GATAD2A: variants seen among roughly 807,000 people sequenced by gnomAD.
GATAD2A encodes GATA zinc finger domain containing 2A.
A neutral mutation model predicts 68.5 loss-of-function variants in GATAD2A; 12 were observed. The ratio of observed to expected loss-of-function variants is 0.18; its 90% confidence interval spans 0.11 to 0.28. GATAD2A has a LOEUF of 0.28. Among genes scored for constraint, GATAD2A ranks in the 10% least tolerant of loss-of-function variants. The pLI is 1.00. For missense variants in GATAD2A, 755 were observed against 868.5 expected, an observed-to-expected ratio of 0.87 and a Z score of 1.64; for synonymous variants, 410 against 375.3, an observed-to-expected ratio of 1.09 and a Z score of -1.07.
chr19:19,492,526 C>T, intron 3 of GATAD2A, 55 bp from the exon 4 acceptor site: 5 of 1,611,482 alleles, frequency 3.1e-6, no homozygotes, highest in Middle Eastern at 1.7e-4. Context: ...ATGGCAGGGC[C>T]TCTGCTCCTC....
chr19:19,429,144 G>T (rs1343819872), intron 1 of GATAD2A: 2 of 974,152 alleles, frequency 2.1e-6, no homozygotes, highest in South Asian at 4.8e-5. Context: ...GAGGTGATGC[G>T]CAAGCGCCTT....
At position 19,508,801 on chromosome 19, in the gene GATAD2A, T is replaced by C. The variant is rs919736265; in HGVS notation, c.*3327T>C. ...TCTAAATCTTTGATAGTAAAACAAA[T>C]GTAAAAAGAAATGTTTGCCACCAGA... On this transcript the variant is annotated 3_prime_UTR_variant, in exon 12 of 12. Coordinates refer to ENST00000683918, the MANE Select transcript of GATAD2A (RefSeq NM_001384528.1). 2.6e-5 allele frequency: 4 copies of C among 152,178 alleles called. No individual in the cohort carries two copies. The highest frequency in any genetic ancestry group is 2.6e-4 in the Admixed American group (4 of 15,264). The allele number at this position is 152,178 out of a possible 1,614,324, so 9.4% of individuals were successfully genotyped here.
At chr19:19,423,883 C>T (rs778117855) in intron 1 of GATAD2A, among the ~76,000 whole-genome samples, 7 of 152,114 alleles carry the variant, frequency 4.6e-5, no homozygotes, top group Admixed American at 3.3e-4. Context: ...ACTCTGGATT[C>T]GGATCTAGGT....
upstream of GATAD2A, among the ~76,000 whole-genome samples, chr19:19,400,967 C>G (rs747563304): frequency 4.6e-5 from 7 of 151,704 alleles, no homozygotes; most frequent in Non-Finnish European, 8.8e-5. Context: ...ATGGCGAAAC[C>G]CTGTCTCTAC....
At chr19:19,447,255 A>G (rs753763000) in intron 1 of GATAD2A, among the ~76,000 whole-genome samples, 14 of 152,106 alleles carry the variant, frequency 9.2e-5, no homozygotes, top group Non-Finnish European at 1.9e-4. Flanking sequence ...CTGAGGTGGG[A>G]GTGAGCCAGG....
At chr19:19,420,184 T>G (rs1334156068) in intron 1 of GATAD2A, among the ~76,000 whole-genome samples, 9 of 144,140 alleles carry the variant, frequency 6.2e-5, no homozygotes, top group South Asian at 4.5e-4. Context: ...CTAGTTTTTT[T>G]TTTTTTTTTT....
At chr19:19,455,381 T>G (rs2056831033) in intron 1 of GATAD2A, among the ~76,000 whole-genome samples, 1 of 151,986 alleles carries the variant, frequency 6.6e-6, no homozygotes, top group Non-Finnish European at 1.5e-5. Flanking sequence ...TCCCACTTAC[T>G]CGGGAGGCCG....
chr19:19,451,616 A>C (rs1282851060), intron 1 of GATAD2A, among the ~76,000 whole-genome samples: 1 of 152,142 alleles, frequency 6.6e-6, no homozygotes, highest in Non-Finnish European at 1.5e-5. Context: ...GGGCTGAGGA[A>C]GTAGTGTGGG....
intron 1 of GATAD2A, among the ~76,000 whole-genome samples, chr19:19,392,681 C>T (rs755843445): frequency 1.0e-4 from 15 of 147,866 alleles, no homozygotes; most frequent in African/African-American, 1.3e-4. Context: ...TGAGCCACTG[C>T]GTCCGGTCAA....
intron 1 of GATAD2A, among the ~76,000 whole-genome samples, chr19:19,448,486 G>T (rs577145592): frequency 8.4e-4 from 128 of 152,074 alleles, no homozygotes; most frequent in Non-Finnish European, 1.5e-3. Context: ...TGGTAGTTGT[G>T]TTGTGTTGTG....
intron 1 of GATAD2A, among the ~76,000 whole-genome samples, chr19:19,441,030 C>CCTTCCTTCT (rs2055006144): frequency 7.1e-6 from 1 of 140,006 alleles, no homozygotes; most frequent in Admixed American, 7.3e-5. Context: ...CCCTTCCTTC[C>CCTTCCTTCT]CTTCCTTCTT....
At chr19:19,465,074 G>A in intron 1 of GATAD2A, 2 of 548,654 alleles carry the variant, frequency 3.6e-6, no homozygotes, top group South Asian at 4.3e-5. Context: ...GCTGCCTCTG[G>A]CCCCCAACAG....
intron 1 of GATAD2A, among the ~76,000 whole-genome samples, chr19:19,416,895 G>T (rs2051712553): frequency 6.6e-6 from 1 of 151,950 alleles, no homozygotes; most frequent in African/African-American, 2.4e-5. Context: ...CCAAGTAGCT[G>T]GGATTACAGG....
At chr19:19,442,462 C>G (rs2055208370) in intron 1 of GATAD2A, among the ~76,000 whole-genome samples, 1 of 151,930 alleles carries the variant, frequency 6.6e-6, no homozygotes, top group South Asian at 2.1e-4. Context: ...CCCGTCTCTA[C>G]TGAAAATATA....
chr19:19,404,155 G>A (rs146836245), upstream of GATAD2A, among the ~76,000 whole-genome samples: 999 of 152,052 alleles, frequency 6.6e-3, 6 homozygotes, highest in Non-Finnish European at 0.011. Flanking sequence ...GTGAGGTGGC[G>A]GGGTGGAATA....
intron 2 of GATAD2A, among the ~76,000 whole-genome samples, chr19:19,469,891 A>C (rs575609562): frequency 1.5e-3 from 228 of 152,090 alleles, no homozygotes; most frequent in Middle Eastern, 0.01. Flanking sequence ...AGGTTGCAGT[A>C]AGCTGAGATG....
At chr19:19,433,450 T>A (rs573846784) in intron 1 of GATAD2A, among the ~76,000 whole-genome samples, 3 of 151,796 alleles carry the variant, frequency 2.0e-5, no homozygotes, top group Admixed American at 2.0e-4. Context: ...GATTTTGGAA[T>A]CAGTTTGTCA....
intron 2 of GATAD2A, among the ~76,000 whole-genome samples, chr19:19,476,832 G>A (rs1276721216): frequency 1.3e-5 from 2 of 152,230 alleles, no homozygotes; most frequent in East Asian, 1.9e-4. Context: ...AGCAGAATAT[G>A]CCCCTGGAAG....
upstream of GATAD2A, chr19:19,402,644 G>C (rs924878193): frequency 4.1e-5 from 6 of 147,128 alleles, no homozygotes; most frequent in African/African-American, 1.2e-4. Context: ...ATCCGAGATC[G>C]CGCCACTACA....
Sources: gnomAD v4.1 joint callset for allele counts (sites outside exome capture counted in the v4.1 genomes callset) on GRCh38, gnomAD v4.1.1 for gene constraint, MANE v1.5 for transcripts, NCBI Gene and HGNC (gene_info 2026-07-23, HGNC 2026-07-21) for gene names.